The following PLGRKT variants were observed in gnomAD, a reference collection of about 807,000 sequenced individuals.
PLGRKT encodes the protein plasminogen receptor (KT).
PLGRKT carries 22 observed loss-of-function variants against 18.5 expected under a neutral mutation model. The observed-to-expected ratio is 1.19, with a 90% CI of 0.85 to 1.70. The LOEUF (loss-of-function observed/expected upper bound fraction) is 1.70, where lower values mean the gene tolerates loss of function less well. Among genes scored for constraint, PLGRKT ranks in the 40% most tolerant of loss-of-function variants. PLGRKT has a pLI of 0.00. For missense variants in PLGRKT, 235 were observed against 174.4 expected (o/e 1.35, Z -1.96); for synonymous variants, 72 against 52.8 (o/e 1.36, Z -1.58).
chr9:5,395,048 T>G (rs1818019008), intron 3 of PLGRKT, among the ~76,000 whole-genome samples: 1 of 148,730 alleles, frequency 6.7e-6, no homozygotes. Context: ...ATTATGACAA[T>G]GAAACATTAC....
In PLGRKT at chr9:5,374,702, C is replaced by G. The variant is rs995716235; in HGVS notation, c.82-12814G>C. Among the ~76,000 whole-genome samples, 5 of 152,048 alleles carry G rather than the reference C, an allele frequency of 3.3e-5. No homozygotes were observed. In the South Asian group the frequency reaches 1.0e-3, roughly 32 times the overall value. ...AAATAATTTTAGGCAAGTCTTTAAG[C>G]TAGAAATTTCTCATTTAAGCCTGAT... is the stretch of plus-strand genomic sequence containing the variant. On this transcript the variant is annotated intron_variant, in intron 3 of 5. Coordinates refer to ENST00000223864, the MANE Select transcript of PLGRKT (RefSeq NM_018465.4).
At chr9:5,396,614 A>G (rs1239967677) in intron 3 of PLGRKT, among the ~76,000 whole-genome samples, 1 of 152,090 alleles carries the variant, frequency 6.6e-6, no homozygotes, top group Non-Finnish European at 1.5e-5. Flanking sequence ...TAATTTCAAT[A>G]AAACATTTTC....
chr9:5,408,551 C>T (rs1000315773), intron 3 of PLGRKT, among the ~76,000 whole-genome samples: 3 of 152,210 alleles, frequency 2.0e-5, no homozygotes, highest in African/African-American at 7.2e-5. Flanking sequence ...AAAACTGGAA[C>T]TTATATTTAA....
intron 3 of PLGRKT, among the ~76,000 whole-genome samples, chr9:5,416,283 C>A (rs1465859975): frequency 2.0e-5 from 3 of 152,042 alleles, no homozygotes; most frequent in Admixed American, 2.0e-4. Context: ...CCTCCTGCTG[C>A]CCTAAATTCT....
chr9:5,408,145 C>G (rs528679164), intron 3 of PLGRKT, among the ~76,000 whole-genome samples: 1 of 152,220 alleles, frequency 6.6e-6, no homozygotes, highest in Non-Finnish European at 1.5e-5. Context: ...CTTGTTCACA[C>G]TGAAAGTGGC....
intron 3 of PLGRKT, among the ~76,000 whole-genome samples, chr9:5,394,838 C>T (rs1363056311): frequency 6.6e-6 from 1 of 151,882 alleles, no homozygotes; most frequent in Non-Finnish European, 1.5e-5. Context: ...GAACTCTCTT[C>T]TTGCTGCTGG....
intron 3 of PLGRKT, among the ~76,000 whole-genome samples, chr9:5,376,415 G>GT (rs746180503): frequency 9.2e-5 from 14 of 152,090 alleles, no homozygotes; most frequent in Non-Finnish European, 1.8e-4. Context: ...TAATCTCTCT[G>GT]TTTCCTTATC....
At chr9:5,411,176 G>C (rs1455260813) in intron 3 of PLGRKT, among the ~76,000 whole-genome samples, 1 of 152,030 alleles carries the variant, frequency 6.6e-6, no homozygotes, top group Non-Finnish European at 1.5e-5. Flanking sequence ...CTGAGGTCGG[G>C]AGTTTGAGAT....
intron 3 of PLGRKT, among the ~76,000 whole-genome samples, chr9:5,379,343 C>T (rs1027040496): frequency 1.2e-4 from 18 of 152,114 alleles, no homozygotes; most frequent in African/African-American, 4.1e-4. Flanking sequence ...ATTGTCTTAC[C>T]TGCCAGACAT....
chr9:5,422,308 T>G (rs1488799944), intron 3 of PLGRKT, among the ~76,000 whole-genome samples: 2 of 152,156 alleles, frequency 1.3e-5, no homozygotes, highest in Non-Finnish European at 2.9e-5. Context: ...TATTAGGAAT[T>G]ACACACTGCC....
chr9:5,402,257 G>A (rs1320970334), intron 3 of PLGRKT, among the ~76,000 whole-genome samples: 1 of 151,834 alleles, frequency 6.6e-6, no homozygotes, highest in Non-Finnish European at 1.5e-5. Flanking sequence ...TAACAGAGAA[G>A]AATGTAATGA....
At chr9:5,380,169 C>A (rs1220362244) in intron 3 of PLGRKT, among the ~76,000 whole-genome samples, 1 of 152,000 alleles carries the variant, frequency 6.6e-6, no homozygotes, top group Non-Finnish European at 1.5e-5. Context: ...TTGAGATCAT[C>A]CTGGCTAACA....
At chr9:5,398,130 G>C (rs1163916641) in intron 3 of PLGRKT, among the ~76,000 whole-genome samples, 3 of 151,786 alleles carry the variant, frequency 2.0e-5, no homozygotes, top group African/African-American at 7.3e-5. Flanking sequence ...TCCCTTCCAA[G>C]TGGGAGCTTC....
chr9:5,393,326 A>G (rs1817984887), intron 3 of PLGRKT, among the ~76,000 whole-genome samples: 1 of 151,932 alleles, frequency 6.6e-6, no homozygotes, highest in Non-Finnish European at 1.5e-5. Context: ...TATGAAATAT[A>G]TTTAAAAGCC....
At chr9:5,364,002 C>A (rs1817326537) in intron 3 of PLGRKT, among the ~76,000 whole-genome samples, 1 of 152,162 alleles carries the variant, frequency 6.6e-6, no homozygotes, top group African/African-American at 2.4e-5. Context: ...CATCATATCC[C>A]CCAAAGTGAT....
chr9:5,424,668 T>TTATATATATATATATGTGTA (rs1554634175), intron 3 of PLGRKT, among the ~76,000 whole-genome samples: 7 of 113,160 alleles, frequency 6.2e-5, no homozygotes, highest in African/African-American at 2.9e-4. Flanking sequence ...ATTATATATT[T>TTATATATATATATATGTGTA]TATATATATA....
Position 5,418,791 on chromosome 9 carries a change from G to A in PLGRKT, c.81+13106C>T, listed in dbSNP as rs1274453558. 4 of 854,958 alleles carry A rather than the reference G, an allele frequency of 4.7e-6. No homozygotes were observed. Among genetic ancestry groups the A allele is most frequent in the Non-Finnish European group, 5.8e-6 (3 of 515,092 alleles). The allele number at this position is 854,958 out of a possible 1,614,324, so 53.0% of individuals were successfully genotyped here. A position where few individuals can be genotyped will look rare whatever the true frequency, so the allele number is the denominator to read the frequency against. On this transcript the variant is annotated intron_variant, in intron 3 of 5. Coordinates refer to ENST00000223864, the MANE Select transcript of PLGRKT (RefSeq NM_018465.4). The surrounding 1 kb of genome is among the most constrained non-coding windows in gnomAD (Gnocchi z 4.2). ...CGTCGAGGAGCTGCGACACGGAGAA[G>A]TCAGGGGGCAGCTTGGTGACACCGC...
chr9:5,391,091 A>G (rs1817941462), intron 3 of PLGRKT, among the ~76,000 whole-genome samples: 1 of 151,944 alleles, frequency 6.6e-6, no homozygotes, highest in Admixed American at 6.6e-5. Context: ...TACTTTGCGG[A>G]ATTGATGTTG....
chr9:5,383,683 A>G (rs964413125), intron 3 of PLGRKT, among the ~76,000 whole-genome samples: 1 of 152,118 alleles, frequency 6.6e-6, no homozygotes, highest in African/African-American at 2.4e-5. Context: ...CATGCAACCT[A>G]CATCCCTCAC....
Sources: gnomAD v4.1 joint callset for allele counts (sites outside exome capture counted in the v4.1 genomes callset) on GRCh38, gnomAD v4.1.1 for gene constraint, Gnocchi (gnomAD v3.1) non-coding constraint, MANE v1.5 for transcripts, NCBI Gene and HGNC (gene_info 2026-07-23, HGNC 2026-07-21) for gene names.